Variants in HDDC2 observed in about 807,000 individuals in gnomAD.
The protein encoded by HDDC2 is 5'-deoxynucleotidase HDDC2.
A neutral mutation model predicts 25.5 loss-of-function variants in HDDC2; 25 were observed. The ratio of observed to expected loss-of-function variants is 0.98; its 90% CI spans 0.72 to 1.37. The LOEUF is 1.37. Ranked by LOEUF, HDDC2 falls within the 40% of genes most tolerant of loss-of-function variation. The probability of loss-of-function intolerance (pLI) is 0.00; values close to 1 mark genes in which losing one functional copy is unlikely to be tolerated. For synonymous variants in HDDC2, 106 were observed against 89.7 expected, an observed-to-expected ratio of 1.18 and a Z score of -1.03; for missense variants, 264 against 253.1, an observed-to-expected ratio of 1.04 and a Z score of -0.29.
rs542805186 is a variant in HDDC2, at chr6:125,277,238, C to T, written c.381G>A (p.Glu127=). Residue 127 remains glutamate (E), a splice_region_variant and synonymous_variant, in exon 5 of 6, where the codon GAG becomes GAA. Coordinates refer to ENST00000398153, the MANE Select transcript of HDDC2 (RefSeq NM_016063.3). ...CTTCTGCACTAGATTGGGTCTCGTACTCCTAAGTAAAGGGACAATTAAAGC... is the reference window on the plus strand; with the variant it reads ...CTTCTGCACTAGATTGGGTCTCGTATTCCTAAGTAAAGGGACAATTAAAGC... ...LRKELYELWE[E]YETQSSAEAK... 2 of 1,613,996 alleles carry T rather than the reference C, an allele frequency of 1.2e-6. No homozygotes were observed. The highest frequency in any genetic ancestry group is 1.7e-6 in the Non-Finnish European group (2 of 1,179,946).
At chr6:125,294,130 C>T (rs148662866) in intron 3 of HDDC2, among the ~76,000 whole-genome samples, 213 of 152,286 alleles carry the variant, frequency 1.4e-3, no homozygotes, top group Non-Finnish European at 2.5e-3. Flanking sequence ...TTTAATCAGC[C>T]TCAGTTCTTC....
chr6:125,293,073 G>A, intron 3 of HDDC2, 164 bp from the exon 4 acceptor site: 1 of 701,254 alleles, frequency 1.4e-6, no homozygotes. Flanking sequence ...AGGAAGGCAG[G>A]CAGTTGTATA....
intron 4 of HDDC2, among the ~76,000 whole-genome samples, chr6:125,281,501 G>C (rs755490710): frequency 4.6e-5 from 7 of 152,122 alleles, no homozygotes; most frequent in Non-Finnish European, 8.8e-5. Context: ...AAACAGTTTA[G>C]AAAAGAGCAA....
intron 3 of HDDC2, 147 bp from the exon 4 acceptor site, chr6:125,293,056 G>A: frequency 2.8e-6 from 2 of 720,276 alleles, no homozygotes; most frequent in Admixed American, 3.9e-5. Context: ...AATATTTATA[G>A]CTTGTGAGGA....
chr6:125,284,699 C>T (rs138928807), intron 4 of HDDC2, among the ~76,000 whole-genome samples: 3,327 of 152,284 alleles, frequency 0.022, 54 homozygotes, highest in Non-Finnish European at 0.031. Context: ...AATAGGAATG[C>T]TTCTACACTG....
At chr6:125,284,757 G>A (rs1053079424) in intron 4 of HDDC2, among the ~76,000 whole-genome samples, 3 of 152,174 alleles carry the variant, frequency 2.0e-5, no homozygotes, top group African/African-American at 7.2e-5. Flanking sequence ...ACAATGTGAC[G>A]ATTCCTCAAG....
intron 4 of HDDC2, among the ~76,000 whole-genome samples, chr6:125,281,717 T>C (rs1798460075): frequency 6.6e-6 from 1 of 151,964 alleles, no homozygotes; most frequent in Non-Finnish European, 1.5e-5. Flanking sequence ...AAAGACCAAA[T>C]GTTTGACTGG....
At chr6:125,290,063 T>A (rs573132585) in intron 4 of HDDC2, among the ~76,000 whole-genome samples, 2 of 152,356 alleles carry the variant, frequency 1.3e-5, no homozygotes, top group East Asian at 3.9e-4. Context: ...CTAAGAAATA[T>A]TTTAAAGTGA....
rs1798751827 is a variant in HDDC2 at position 125,298,901 on chromosome 6, T to C, written c.207-85A>G. 4.9e-6 allele frequency: 4 copies of C among 816,966 alleles called. No individual in the cohort carries two copies. In the East Asian group the frequency reaches 8.1e-5, roughly 16 times the overall value. 50.6% of individuals were successfully genotyped at this position (816,966 alleles called of 1,614,324 possible). ...TCTATACTCTTCCAAAGTTATATAA[T>C]ATATATATTTTTTCTCCACCCTCAC... is the stretch of plus-strand genomic sequence containing the variant. On this transcript the variant is annotated intron_variant, in intron 2 of 5. Coordinates refer to ENST00000398153, the MANE Select transcript of HDDC2 (RefSeq NM_016063.3).
intron 4 of HDDC2, among the ~76,000 whole-genome samples, chr6:125,284,172 T>C (rs1433926017): frequency 1.3e-5 from 2 of 152,188 alleles, no homozygotes; most frequent in Non-Finnish European, 2.9e-5. Flanking sequence ...TCAAGATGGA[T>C]TAAAGATTTA....
chr6:125,295,242 CCT>C (rs1798692011), intron 3 of HDDC2, among the ~76,000 whole-genome samples: 1 of 152,174 alleles, frequency 6.6e-6, no homozygotes, highest in Admixed American at 6.5e-5. Flanking sequence ...CTAGCCTCTT[CCT>C]CTGTTAGCAA....
intron 3 of HDDC2, among the ~76,000 whole-genome samples, chr6:125,294,223 A>T (rs1298419780): frequency 2.0e-5 from 3 of 152,266 alleles, no homozygotes; most frequent in Non-Finnish European, 4.4e-5. Flanking sequence ...ATAAAATAAA[A>T]TAGTGAGTTG....
At chr6:125,288,125 G>C (rs1157582904) in intron 4 of HDDC2, among the ~76,000 whole-genome samples, 2 of 152,208 alleles carry the variant, frequency 1.3e-5, no homozygotes, top group Admixed American at 1.3e-4. Context: ...TATTTGCAAG[G>C]CTTCTAAAAA....
intron 5 of HDDC2, 56 bp downstream of exon 5, chr6:125,277,046 A>G (rs1798380163): frequency 1.3e-6 from 2 of 1,580,718 alleles, no homozygotes; most frequent in Non-Finnish European, 1.7e-6. Context: ...AACATTAGTC[A>G]CTACACTGAG....
intron 3 of HDDC2, among the ~76,000 whole-genome samples, chr6:125,296,900 T>G (rs1798712721): frequency 6.6e-6 from 1 of 152,196 alleles, no homozygotes; most frequent in South Asian, 2.1e-4. Flanking sequence ...TTGGAGATGG[T>G]TCACACTGAC....
At chr6:125,293,497 G>A (rs578260958) in intron 3 of HDDC2, among the ~76,000 whole-genome samples, 1 of 152,262 alleles carries the variant, frequency 6.6e-6, no homozygotes, top group Admixed American at 6.5e-5. Flanking sequence ...ATATTAAACG[G>A]CAATTAGCTA....
intron 4 of HDDC2, among the ~76,000 whole-genome samples, chr6:125,290,332 G>A (rs1231787234): frequency 6.6e-6 from 1 of 152,178 alleles, no homozygotes; most frequent in African/African-American, 2.4e-5. Context: ...GGCACAGAGA[G>A]ATTAATTGCT....
At chr6:125,280,563 C>A (rs1004911525) in intron 4 of HDDC2, among the ~76,000 whole-genome samples, 1 of 152,206 alleles carries the variant, frequency 6.6e-6, no homozygotes, top group Non-Finnish European at 1.5e-5. Flanking sequence ...GGAGGGGCGT[C>A]CGCCATTTCT....
chr6:125,299,382 AC>A (rs1398730992), intron 2 of HDDC2, among the ~76,000 whole-genome samples: 8 of 152,320 alleles, frequency 5.3e-5, no homozygotes, highest in African/African-American at 1.9e-4. Context: ...GACTGTCTCA[AC>A]AAAAAAAAAC....
Sources: gnomAD v4.1 joint callset for allele counts (sites outside exome capture counted in the v4.1 genomes callset) on GRCh38, gnomAD v4.1.1 for gene constraint, MANE v1.5 for transcripts, NCBI Gene and HGNC (gene_info 2026-07-23, HGNC 2026-07-21) for gene names.